Variants in ARPP21 observed in about 807,000 individuals in gnomAD.
ARPP21 encodes cAMP-regulated phosphoprotein 21.
In ARPP21, 69 loss-of-function variants were observed where a neutral mutation model predicts 113.2. The ratio of observed to expected loss-of-function variants is 0.61; its 90% confidence interval spans 0.50 to 0.74. The LOEUF (loss-of-function observed/expected upper bound fraction) is 0.74, where lower values mean the gene tolerates loss of function less well. Ranked by LOEUF, ARPP21 falls within the 30% of genes least tolerant of loss-of-function variation. The pLI is 0.00. For synonymous variants in ARPP21, 368 were observed against 375.5 expected, an observed-to-expected ratio of 0.98 and a Z score of 0.23; for missense variants, 1,070 against 1,037.4, an observed-to-expected ratio of 1.03 and a Z score of -0.43.
intron 9 of ARPP21, among the ~76,000 whole-genome samples, chr3:35,706,512 C>T (rs2089131961): frequency 6.6e-6 from 1 of 152,180 alleles, no homozygotes; most frequent in East Asian, 1.9e-4. Context: ...GTGATCCTCT[C>T]TCACTACACA....
intron 1 of ARPP21, chr3:35,643,907 A>G: frequency 6.6e-6 from 1 of 151,986 alleles, no homozygotes; most frequent in South Asian, 2.1e-4. Flanking sequence ...AAAAGAATTG[A>G]CTTCCTTAAA....
chr3:35,659,117 T>G (rs983766409), intron 1 of ARPP21, among the ~76,000 whole-genome samples: 3 of 152,196 alleles, frequency 2.0e-5, no homozygotes, highest in Admixed American at 6.5e-5. Context: ...CTATGTATAT[T>G]GCAAGTTTTT....
rs555919029 is a variant in ARPP21, at chr3:35,759,343, C to T, written c.2137+15378C>T. 4.6e-5 allele frequency among the ~76,000 whole-genome samples: 7 copies of T among 152,166 alleles called. No individual in the cohort carries two copies. In the East Asian group the frequency reaches 1.2e-3, roughly 25 times the overall value. ...ACAACCTTTTCCCAATACAGTTTGTCCCTCTTTCCTGTATCTTTTACTTAC... is the reference window on the plus strand; with the variant it reads ...ACAACCTTTTCCCAATACAGTTTGTTCCTCTTTCCTGTATCTTTTACTTAC... On this transcript the variant is annotated intron_variant, in intron 19 of 20. Coordinates refer to ENST00000684406, the MANE Select transcript of ARPP21 (RefSeq NM_001385562.1).
chr3:35,784,410 A>C (rs532917272), intron 19 of ARPP21, among the ~76,000 whole-genome samples: 7 of 152,308 alleles, frequency 4.6e-5, no homozygotes, highest in African/African-American at 1.7e-4. Flanking sequence ...AAACACCACA[A>C]ATCAGCGCTT....
At chr3:35,735,007 A>G (rs997955689) in intron 15 of ARPP21, among the ~76,000 whole-genome samples, 68 of 152,346 alleles carry the variant, frequency 4.5e-4, no homozygotes, top group African/African-American at 1.4e-3. Flanking sequence ...TAATTAGCTT[A>G]GTTCCCATGT....
chr3:35,715,781 A>G (rs1576225985), intron 12 of ARPP21: 2 of 204,638 alleles, frequency 9.8e-6, no homozygotes, highest in East Asian at 2.2e-4. Flanking sequence ...AAGAATAATA[A>G]ATATGGAGAC....
intron 3 of ARPP21, chr3:35,682,481 G>A (rs1354996190): frequency 5.2e-6 from 1 of 192,208 alleles, no homozygotes; most frequent in Non-Finnish European, 1.1e-5. Flanking sequence ...CTTACAAATA[G>A]CTTGTAAGTA....
At chr3:35,653,368 T>A (rs1703314835) in intron 1 of ARPP21, among the ~76,000 whole-genome samples, 1 of 152,032 alleles carries the variant, frequency 6.6e-6, no homozygotes, top group African/African-American at 2.4e-5. Flanking sequence ...AATTATCTCA[T>A]CTGGGTATCA....
chr3:35,725,348 T>C (rs941340609), intron 14 of ARPP21, among the ~76,000 whole-genome samples: 4 of 152,170 alleles, frequency 2.6e-5, no homozygotes, highest in Admixed American at 6.5e-5. Context: ...GCATAAATGT[T>C]CTAAGTATAG....
intron 15 of ARPP21, among the ~76,000 whole-genome samples, chr3:35,730,031 G>T (rs1199859920): frequency 6.6e-6 from 1 of 152,184 alleles, no homozygotes; most frequent in Non-Finnish European, 1.5e-5. Context: ...ATTTCAGCCA[G>T]CTCCTATGAA....
At position 35,667,951 on chromosome 3, in the gene ARPP21, GA is replaced by G. The variant is rs1264903175; in HGVS notation, c.-212-11834del. 4.8e-3 allele frequency among the ~76,000 whole-genome samples: 60 copies of G among 12,474 alleles called. 2 individuals are homozygous for G. Among genetic ancestry groups the G allele is most frequent in the Middle Eastern group, 0.056 (1 of 18 alleles). The allele number at this position is 12,474 out of a possible 152,430, so 8.2% of individuals were successfully genotyped here. On this transcript the variant is annotated intron_variant, in intron 1 of 20. Coordinates refer to ENST00000684406, the MANE Select transcript of ARPP21 (RefSeq NM_001385562.1). Reference sequence around the variant, plus strand: ...GAGGAGGAGAAGGAGAAGAAGAAAAGAAGAAGAAGAAGAAGAAGAAGAAGAA... The same window carrying G: ...GAGGAGGAGAAGGAGAAGAAGAAAAGAGAAGAAGAAGAAGAAGAAGAAGAA...
At chr3:35,662,630 G>A (rs764540064) in intron 1 of ARPP21, among the ~76,000 whole-genome samples, 4 of 152,148 alleles carry the variant, frequency 2.6e-5, no homozygotes, top group Non-Finnish European at 4.4e-5. Flanking sequence ...GTCCCACAAA[G>A]GGTTGAGATC....
At chr3:35,646,075 C>A (rs1320147515) in intron 1 of ARPP21, among the ~76,000 whole-genome samples, 1 of 151,976 alleles carries the variant, frequency 6.6e-6, no homozygotes, top group East Asian at 1.9e-4. Context: ...ATTCAAGTTG[C>A]TTTCAGATTA....
chr3:35,641,071 C>T (rs1362740183), intron 1 of ARPP21: 1 of 151,920 alleles, frequency 6.6e-6, no homozygotes, highest in Non-Finnish European at 1.5e-5. Flanking sequence ...AGAATCCAAG[C>T]CTAAAAGAAA....
chr3:35,681,850 T>C lies in ARPP21; in HGVS notation c.99T>C (p.Ser33=). ...AGAACGGCATTGTTAAATCAGAAAG[T>C]CTGGATGAAGAGGAGAAACTGGAAC... is the stretch of plus-strand genomic sequence containing the variant. ...TPENGIVKSE[S]LDEEEKLELQ... The change falls in exon 3 of 21, where the codon AGT becomes AGC. Residue 33 remains serine, a synonymous_variant. Coordinates refer to ENST00000684406, the MANE Select transcript of ARPP21 (RefSeq NM_001385562.1). The C allele has an allele frequency of 6.2e-7, 1 of 1,612,038 alleles. No individual in the cohort carries two copies. Among genetic ancestry groups the C allele is most frequent in the Non-Finnish European group, 8.5e-7 (1 of 1,178,736 alleles).
chr3:35,718,260 A>T lies in ARPP21; in HGVS notation c.995+903A>T, dbSNP rs1005563400. On this transcript the variant is annotated intron_variant, in intron 13 of 20. Coordinates refer to ENST00000684406, the MANE Select transcript of ARPP21 (RefSeq NM_001385562.1). ...TCTTACACTTTGATTGAAACAAAAA[A>T]CAGAAGCTTCTTTTTGGACTTCTTT... is the stretch of plus-strand genomic sequence containing the variant. 2.0e-5 allele frequency among the ~76,000 whole-genome samples: 3 copies of T among 152,166 alleles called. No homozygotes were observed. The South Asian group carries it at 6.2e-4, about 31-fold the overall frequency.
At chr3:35,685,730 A>G (rs1377518848) in intron 5 of ARPP21, 1 of 981,304 alleles carries the variant, frequency 1.0e-6, no homozygotes, top group Non-Finnish European at 1.2e-6. Flanking sequence ...TTCTAATGTT[A>G]TACTATTTAC....
intron 19 of ARPP21, among the ~76,000 whole-genome samples, chr3:35,791,610 T>TA (rs1203995300): frequency 7.2e-5 from 11 of 151,928 alleles, no homozygotes; most frequent in Admixed American, 5.9e-4. Flanking sequence ...CTGGCCTACC[T>TA]AAAAAAATAA....
Position 35,677,315 on chromosome 3 carries a change from A to G in ARPP21, c.-212-2472A>G, listed in dbSNP as rs528833330. Among the ~76,000 whole-genome samples the G allele has an allele frequency of 2.0e-5, 3 of 151,748 alleles. No homozygotes were observed. In the South Asian group the frequency reaches 6.2e-4, roughly 31 times the overall value. On this transcript the variant is annotated intron_variant, in intron 1 of 20. Coordinates refer to ENST00000684406, the MANE Select transcript of ARPP21 (RefSeq NM_001385562.1). The stretch of plus-strand genomic sequence containing the variant: ...ACACACACACATACACTTAGGACAT[A>G]TCTATTTTGATAGTGATGATGAAAG...
Sources: gnomAD v4.1 joint callset for allele counts (sites outside exome capture counted in the v4.1 genomes callset) on GRCh38, gnomAD v4.1.1 for gene constraint, MANE v1.5 for transcripts, NCBI Gene and HGNC (gene_info 2026-07-23, HGNC 2026-07-21) for gene names.